The following XYLT1 variants were observed in gnomAD, a reference collection of about 807,000 sequenced individuals.
XYLT1 encodes xylosyltransferase 1, also known as beta-D-xylosyltransferase 1.
XYLT1 carries 36 observed loss-of-function variants against 91.3 expected under a neutral mutation model. The observed-to-expected ratio is 0.39, with a 90% confidence interval of 0.30 to 0.52. XYLT1 has a LOEUF of 0.52. Ranked by LOEUF, XYLT1 falls within the 20% of genes least tolerant of loss-of-function variation. The pLI is 0.68. For synonymous variants in XYLT1, 588 were observed against 532.0 expected, an observed-to-expected ratio of 1.11 and a Z score of -1.45; for missense variants, 1,242 against 1,284.5, an observed-to-expected ratio of 0.97 and a Z score of 0.51.
Position 17,108,792 on chromosome 16 carries a change from G to A in XYLT1, c.2783C>T (p.Pro928Leu), listed in dbSNP as rs909102121. ...DICATGPTAC[P>L]VMQTCSQTAW... ...CGTCTGGCTGCAGGTCTGCATGACC[G>A]GGCAGGCTGTGGGGCCCGTGGCACA... Residue 928 changes from proline to leucine, a missense_variant, in exon 12 of 12, where the codon CCG (proline) becomes CTG (leucine). Physicochemically the swap from Pro to Leu is moderately conservative, Grantham distance 98 (BLOSUM62 -3). Transcript: ENST00000261381. The A allele has an allele frequency of 1.1e-5, 18 of 1,611,178 alleles. No homozygotes were observed. Among genetic ancestry groups the A allele is most frequent in the Admixed American group, 1.0e-4 (6 of 59,972 alleles).
intron 10 of XYLT1, among the ~76,000 whole-genome samples, chr16:17,118,285 C>CGAATAAATGAAT (rs2029923625): frequency 6.6e-6 from 1 of 151,352 alleles, no homozygotes; most frequent in Non-Finnish European, 1.5e-5. Context: ...AATGAATGAA[C>CGAATAAATGAAT]GAATGAATGA....
At position 17,158,906 on chromosome 16, in the gene XYLT1, T is replaced by A; in HGVS notation, c.1293A>T (p.Thr431=). 3 of 1,614,176 alleles carry A rather than the reference T, an allele frequency of 1.9e-6. No homozygotes were observed. The highest frequency in any genetic ancestry group is 2.5e-6 in the Non-Finnish European group (3 of 1,180,018). Residue 431 remains threonine (T), a synonymous_variant, in exon 6 of 12, where the codon ACA becomes ACT. Coordinates refer to ENST00000261381, the MANE Select transcript of XYLT1 (RefSeq NM_022166.4). ...AGAGAAACGCCACCAACTGGTCATT[T>A]GTCCTGTGGAAACAAACCAAGGGGA... The part of the protein sequence containing the change: ...NLSAADYPIR[T]NDQLVAFLSR...
intron 3 of XYLT1, among the ~76,000 whole-genome samples, chr16:17,202,884 A>G (rs1416014114): frequency 6.6e-6 from 1 of 152,216 alleles, no homozygotes; most frequent in Non-Finnish European, 1.5e-5. Flanking sequence ...AACAAAAGTT[A>G]CAGGAAGGCA....
chr16:17,338,437 G>A, intron 2 of XYLT1: 1 of 456,510 alleles, frequency 2.2e-6, no homozygotes, highest in Non-Finnish European at 4.4e-6. Context: ...CTGCAACAAA[G>A]GAGAAGTTGA....
chr16:17,355,549 A>C (rs1363198327), intron 2 of XYLT1: 1 of 152,220 alleles, frequency 6.6e-6, no homozygotes, highest in East Asian at 1.9e-4. Context: ...TAGGAAGTTT[A>C]GGTGACATCA....
rs1247922586 is a variant in XYLT1 at position 17,102,360 on chromosome 16, TG to T, written c.*6334del. 3.3e-5 allele frequency: 5 copies of T among 152,686 alleles called. No individual in the cohort carries two copies. The East Asian group carries it at 9.6e-4, about 29-fold the overall frequency. The allele number at this position is 152,686 out of a possible 1,614,324, so 9.5% of individuals were successfully genotyped here. On this transcript the variant is annotated 3_prime_UTR_variant, in exon 12 of 12. Transcript: ENST00000261381. ...CAGTGTTTTTTTAATTTTAAAATTC[TG>T]CATCTGAAAACACAGTATGACAGAA...
intron 2 of XYLT1, among the ~76,000 whole-genome samples, chr16:17,277,183 A>G (rs1266685075): frequency 6.6e-6 from 1 of 152,174 alleles, no homozygotes; most frequent in African/African-American, 2.4e-5. Flanking sequence ...GGCATCTGTT[A>G]TCTATTTTTA....
chr16:17,385,261 AACACACATAC>A lies in XYLT1; in HGVS notation c.364-27221_364-27212del, dbSNP rs1485048664. On this transcript the variant is annotated intron_variant, in intron 1 of 11. Coordinates refer to ENST00000261381, the MANE Select transcript of XYLT1 (RefSeq NM_022166.4). ...CTGCCCCATCCCCATAACACACATA[AACACACATAC>A]ACACACACACACACACACACACACA... 8.3e-4 allele frequency among the ~76,000 whole-genome samples: 90 copies of A among 108,166 alleles called. 3 individuals carry two copies. The South Asian group carries it at 0.021, about 25-fold the overall frequency. 71.0% of individuals were successfully genotyped at this position (108,166 alleles called of 152,430 possible).
chr16:17,274,004 C>T (rs977038145), intron 2 of XYLT1, among the ~76,000 whole-genome samples: 9 of 151,604 alleles, frequency 5.9e-5, no homozygotes, highest in Non-Finnish European at 1.2e-4. Context: ...CTCTGCCTCC[C>T]GGGTTCAAGT....
At chr16:17,385,124 T>C (rs1377356906) in intron 1 of XYLT1, among the ~76,000 whole-genome samples, 1 of 151,756 alleles carries the variant, frequency 6.6e-6, no homozygotes, top group Non-Finnish European at 1.5e-5. Context: ...CAGAGAGACA[T>C]GATCCGATGA....
At chr16:17,302,828 A>G (rs2141814071) in intron 2 of XYLT1, among the ~76,000 whole-genome samples, 1 of 150,954 alleles carries the variant, frequency 6.6e-6, no homozygotes. Flanking sequence ...ATAACGGGTT[A>G]CTCAATCCCC....
chr16:17,300,456 T>C (rs1022096331), intron 2 of XYLT1, among the ~76,000 whole-genome samples: 2 of 73,796 alleles, frequency 2.7e-5, no homozygotes, highest in Admixed American at 1.2e-4. Flanking sequence ...TTCTTTCTTT[T>C]TTTTTTTTTT....
chr16:17,265,029 A>C (rs900258684), intron 2 of XYLT1, among the ~76,000 whole-genome samples: 1 of 152,176 alleles, frequency 6.6e-6, no homozygotes, highest in African/African-American at 2.4e-5. Context: ...TCTACTAAAA[A>C]TACAAAAAAT....
At chr16:17,153,920 C>G (rs971033907) in intron 6 of XYLT1, among the ~76,000 whole-genome samples, 1 of 152,166 alleles carries the variant, frequency 6.6e-6, no homozygotes, top group South Asian at 2.1e-4. Context: ...CAAATGCAGT[C>G]ACTATGGAGT....
chr16:17,421,691 C>A (rs575533382), intron 1 of XYLT1, among the ~76,000 whole-genome samples: 2 of 152,342 alleles, frequency 1.3e-5, no homozygotes, highest in East Asian at 3.9e-4. Flanking sequence ...GTGGATCCTC[C>A]AGCCCCAGTG....
rs567755383 is a variant in XYLT1 at position 17,393,514 on chromosome 16, A to G, written c.364-35464T>C. 7.9e-5 allele frequency among the ~76,000 whole-genome samples: 12 copies of G among 152,198 alleles called. No homozygotes were observed. In the East Asian group the frequency reaches 1.9e-3, roughly 25 times the overall value. Reference sequence around the variant, plus strand: ...CATTCCACACTCAATGCCTGTGTGTACACATATTTAGCTCCCACTCCCACT... The same window carrying G: ...CATTCCACACTCAATGCCTGTGTGTGCACATATTTAGCTCCCACTCCCACT... On this transcript the variant is annotated intron_variant, in intron 1 of 11. Transcript: ENST00000261381.
At chr16:17,171,891 T>C (rs753945491) in intron 5 of XYLT1, among the ~76,000 whole-genome samples, 53 of 152,244 alleles carry the variant, frequency 3.5e-4, no homozygotes, top group Non-Finnish European at 7.3e-4. Context: ...CCAATTTAAC[T>C]TCCAGTTCTC....
chr16:17,237,484 A>G (rs1378801323), intron 3 of XYLT1, among the ~76,000 whole-genome samples: 3 of 152,204 alleles, frequency 2.0e-5, no homozygotes, highest in Admixed American at 1.3e-4. Context: ...CCTGACAGGC[A>G]GTGAACTGGT....
At chr16:17,229,159 C>A (rs890552340) in intron 3 of XYLT1, among the ~76,000 whole-genome samples, 1 of 152,026 alleles carries the variant, frequency 6.6e-6, no homozygotes, top group African/African-American at 2.4e-5. Context: ...TTGTACAGAT[C>A]TGTTTGGTTT....
Sources: allele counts gnomAD v4.1 joint callset (sites outside exome capture counted in the v4.1 genomes callset), GRCh38; gene constraint gnomAD v4.1.1; transcripts MANE v1.5; gene names NCBI Gene and HGNC (gene_info 2026-07-23, HGNC 2026-07-21).